The following TRPM8 variants were observed in gnomAD, a reference collection of about 807,000 sequenced individuals.
TRPM8 encodes the protein TRPM8 cationic channel.
In TRPM8, 110 loss-of-function variants were observed where a neutral mutation model predicts 133.7. The observed-to-expected ratio is 0.82, with a 90% CI of 0.70 to 0.96. The LOEUF (loss-of-function observed/expected upper bound fraction) is 0.96. Among genes scored for constraint, TRPM8 ranks in the 40% least tolerant of loss-of-function variants. The pLI is 0.00. For synonymous variants in TRPM8, 535 were observed against 532.3 expected (o/e 1.01, Z -0.07); for missense variants, 1,291 against 1,379.5 (o/e 0.94, Z 1.02).
chr2:233,992,273 C>T (rs1022046243), intron 21 of TRPM8, among the ~76,000 whole-genome samples: 5 of 150,944 alleles, frequency 3.3e-5, no homozygotes, highest in Non-Finnish European at 2.9e-5. Flanking sequence ...TTATTAAGCT[C>T]CTTTCTCTTT....
chr2:234,007,018 G>A (rs183952452), intron 23 of TRPM8, 66 bp downstream of exon 23: 26 of 1,261,434 alleles, frequency 2.1e-5, no homozygotes, highest in African/African-American at 1.9e-4. Context: ...TAGAACGTAG[G>A]CAGCTTATTT....
At position 233,985,559 on chromosome 2, in the gene TRPM8, G is replaced by C; in HGVS notation, c.2762-129G>C. ...GATTCTAAGGACTATGACTTGTTTG[G>C]ACAAAGTGCCTTAGACGAAGGCCTA... On this transcript the variant is annotated intron_variant, in intron 20 of 25. Transcript: ENST00000324695. The C allele has an allele frequency of 3.7e-6, 3 of 819,030 alleles. No individual in the cohort carries two copies. In the South Asian group the frequency reaches 5.0e-5, roughly 14 times the overall value. The allele number at this position is 819,030 out of a possible 1,614,324, so 50.7% of individuals were successfully genotyped here.
intron 20 of TRPM8, among the ~76,000 whole-genome samples, chr2:233,984,085 C>T (rs547041819): frequency 3.9e-5 from 6 of 152,288 alleles, no homozygotes; most frequent in Admixed American, 6.5e-5. Context: ...CAACCCTCCA[C>T]GTCCGTCATT....
At chr2:233,957,204 G>T (rs1330707423) in intron 11 of TRPM8, among the ~76,000 whole-genome samples, 1 of 152,066 alleles carries the variant, frequency 6.6e-6, no homozygotes, top group Non-Finnish European at 1.5e-5. Flanking sequence ...AGTTATATTT[G>T]GCTGGTCATA....
chr2:233,969,766 G>C lies in TRPM8; in HGVS notation c.2097G>C (p.Leu699=). ...AGAACTGGAAGATTATCCTGTGTCT[G>C]TTTATTATACCCTTGGTGGGCTGTG... The part of the protein sequence containing the change: ...DTKNWKIILC[L]FIIPLVGCGF... The change falls in exon 16 of 26, where the codon CTG becomes CTC. Residue 699 remains leucine, a synonymous_variant. Transcript: ENST00000324695. 1 of 1,613,968 alleles carries C rather than the reference G, an allele frequency of 6.2e-7. No homozygotes were observed. The highest frequency in any genetic ancestry group is 8.5e-7 in the Non-Finnish European group (1 of 1,179,832).
chr2:234,007,305 T>C (rs1210161572), intron 23 of TRPM8, among the ~76,000 whole-genome samples: 2 of 152,190 alleles, frequency 1.3e-5, no homozygotes, highest in Non-Finnish European at 2.9e-5. Flanking sequence ...CATGGGCCAT[T>C]GGCATTATCT....
intron 22 of TRPM8, among the ~76,000 whole-genome samples, chr2:234,001,964 C>T (rs1020258074): frequency 6.6e-6 from 1 of 152,042 alleles, no homozygotes; most frequent in Non-Finnish European, 1.5e-5. Context: ...TCTGTGCCCT[C>T]GAGCAGGGCT....
intron 5 of TRPM8, among the ~76,000 whole-genome samples, chr2:233,941,612 A>C (rs1324077305): frequency 6.6e-6 from 1 of 152,214 alleles, no homozygotes; most frequent in African/African-American, 2.4e-5. Flanking sequence ...CAAAGAGGCC[A>C]GTGACCTCTC....
intron 21 of TRPM8, among the ~76,000 whole-genome samples, chr2:233,990,397 T>G (rs1443796492): frequency 1.3e-5 from 2 of 152,238 alleles, no homozygotes; most frequent in Non-Finnish European, 2.9e-5. Flanking sequence ...AAGACAGCTC[T>G]GTCTAATACT....
rs1194435574 is a variant in TRPM8, at chr2:233,939,095, C to T, written c.446C>T (p.Thr149Ile). ...ACACCCAACCTGGTCATTTCTGTGA[C>T]CGGGGGCGCCAAGAACTTCGCCCTG... ...LKTPNLVISV[T>I]GGAKNFALKP... is the part of the protein sequence containing the mutation. The change falls in exon 5 of 26, where the codon ACC (threonine) becomes ATC (isoleucine). Residue 149 changes from threonine to isoleucine, a missense_variant. By Grantham distance (89) the Thr-to-Ile change is moderately conservative. This residue lies in a region of TRPM8 where 963 missense variants were observed against 968.9 expected (regional missense o/e 0.99). Coordinates refer to ENST00000324695, the MANE Select transcript of TRPM8 (RefSeq NM_024080.5). 6.2e-7 allele frequency: 1 copy of T among 1,614,192 alleles called. No homozygotes were observed. The highest frequency in any genetic ancestry group is 8.5e-7 in the Non-Finnish European group (1 of 1,180,044).
At chr2:233,996,630 C>A in intron 22 of TRPM8, 114 bp downstream of exon 22, 1 of 943,660 alleles carries the variant, frequency 1.1e-6, no homozygotes, top group South Asian at 1.6e-5. Context: ...TCACTGTTCA[C>A]ATCTGTACAT....
intron 2 of TRPM8, among the ~76,000 whole-genome samples, chr2:233,927,783 TTTCTTTCTTTTC>T (rs1691566104): frequency 2.9e-5 from 1 of 34,844 alleles, no homozygotes; most frequent in Non-Finnish European, 4.3e-5. Context: ...TCTTTCTTTC[TTTCTTTCTTTTC>T]TTTCCTTCCT....
At chr2:233,983,358 A>G in intron 20 of TRPM8, 134 bp downstream of exon 20, 1 of 979,644 alleles carries the variant, frequency 1.0e-6, no homozygotes. Flanking sequence ...CAGAGTAAAA[A>G]CTCACTCCTC....
intron 21 of TRPM8, among the ~76,000 whole-genome samples, chr2:233,995,966 GTCC>G (rs1384941115): frequency 6.6e-6 from 1 of 151,952 alleles, no homozygotes; most frequent in African/African-American, 2.4e-5. Flanking sequence ...CACCATGCTA[GTCC>G]CAAGGGTGTT....
chr2:233,974,504 T>A (rs1374884440), intron 17 of TRPM8, among the ~76,000 whole-genome samples: 1 of 152,276 alleles, frequency 6.6e-6, no homozygotes, highest in Admixed American at 6.5e-5. Flanking sequence ...AGTGCCGGGA[T>A]TATAGGTGTG....
rs183824670 is a variant in TRPM8, at chr2:233,942,149, G to A, written c.527-427G>A. On this transcript the variant is annotated intron_variant, in intron 5 of 25. Transcript: ENST00000324695. ...GGCTGGAGTGCAGTGGCATGATCTC[G>A]GCTCACTGCAACCTCTGCCTCCCGG... is the stretch of plus-strand genomic sequence containing the variant. Among the ~76,000 whole-genome samples the A allele has an allele frequency of 5.7e-5, 8 of 141,102 alleles. 1 individual carries two copies. The allele number at this position is 141,102 out of a possible 152,430, so 92.6% of individuals were successfully genotyped here.
At chr2:234,002,616 G>A (rs1292663031) in intron 22 of TRPM8, among the ~76,000 whole-genome samples, 1 of 152,184 alleles carries the variant, frequency 6.6e-6, no homozygotes, top group Non-Finnish European at 1.5e-5. Context: ...TGGGGAATAT[G>A]TTGGCGGAGG....
intron 14 of TRPM8, among the ~76,000 whole-genome samples, chr2:233,965,661 G>A (rs1217538927): frequency 6.6e-6 from 1 of 152,008 alleles, no homozygotes; most frequent in Non-Finnish European, 1.5e-5. Flanking sequence ...GCTTGTCCAT[G>A]TTGGAAAAAA....
At chr2:233,925,399 A>G (rs1202673072) in intron 1 of TRPM8, among the ~76,000 whole-genome samples, 1 of 152,230 alleles carries the variant, frequency 6.6e-6, no homozygotes, top group East Asian at 1.9e-4. Context: ...GCAGGTGAGC[A>G]CTTGCTCAGC....
Sources: allele counts gnomAD v4.1 joint callset (sites outside exome capture counted in the v4.1 genomes callset), GRCh38; gene constraint gnomAD v4.1.1; regional missense constraint gnomAD v4.1.1; transcripts MANE v1.5; gene names NCBI Gene and HGNC (gene_info 2026-07-23, HGNC 2026-07-21).